EPHX3: variants seen among roughly 807,000 people sequenced by gnomAD.
EPHX3 encodes the protein epoxide hydrolase 3.
In EPHX3, 39 loss-of-function variants were observed where a neutral mutation model predicts 40.2. The ratio of observed to expected loss-of-function variants is 0.97; its 90% CI spans 0.75 to 1.27. The LOEUF is 1.27. Among genes scored for constraint, EPHX3 ranks in the 50% most tolerant of loss-of-function variants. EPHX3 has a pLI of 0.00. For missense variants in EPHX3, 442 were observed against 474.0 expected (o/e 0.93, Z 0.63); for synonymous variants, 213 against 209.7 (o/e 1.02, Z -0.14).
upstream of EPHX3, among the ~76,000 whole-genome samples, chr19:15,234,530 C>G (rs779854686): frequency 2.0e-5 from 3 of 152,122 alleles, no homozygotes; most frequent in Non-Finnish European, 2.9e-5. Flanking sequence ...GTCTCAAACT[C>G]CTGGCCTCAA....
chr19:15,227,745 A>C, intron 6 of EPHX3, 26 bp downstream of exon 6: 1 of 1,610,734 alleles, frequency 6.2e-7, no homozygotes. Flanking sequence ...AAATCTCCTG[A>C]GCTTATGCTT....
intron 4 of EPHX3, among the ~76,000 whole-genome samples, chr19:15,230,760 T>C (rs2145483515): frequency 6.6e-6 from 1 of 151,930 alleles, no homozygotes; most frequent in South Asian, 2.1e-4. Flanking sequence ...CCCGGAGGGC[T>C]GGGATTACAG....
rs2047162423 is a variant in EPHX3 at position 15,232,366 on chromosome 19, C to T, written c.-155G>A. 1.5e-6 allele frequency: 2 copies of T among 1,373,288 alleles called. No individual in the cohort carries two copies. The highest frequency in any genetic ancestry group is 1.7e-5 in the South Asian group (1 of 59,314). The allele number at this position is 1,373,288 out of a possible 1,614,324, so 85.1% of individuals were successfully genotyped here. ...ACGCGCTGAAGGAAGAGGCGGGCGG[C>T]TCCGACAGAAAACAGCCAGAGCGCA... On this transcript the variant is annotated 5_prime_UTR_variant, in exon 1 of 7. Transcript: ENST00000221730.
upstream of EPHX3, among the ~76,000 whole-genome samples, chr19:15,234,032 C>A (rs1490656346): frequency 1.3e-5 from 2 of 151,132 alleles, no homozygotes; most frequent in African/African-American, 2.4e-5. Context: ...TGCACTCCAG[C>A]CAGGGCGACA....
At chr19:15,233,119 G>A (rs1396014111), upstream of EPHX3, 1 of 149,290 alleles carries the variant, frequency 6.7e-6, no homozygotes, top group African/African-American at 2.5e-5. Flanking sequence ...GCGGGAGCCT[G>A]GGCCAATGAG....
Position 15,227,626 on chromosome 19 carries a change from G to A in EPHX3, c.894C>T (p.Pro298=). ...CCTTCTCCCCCCACAGCAGCAATGT[G>A]GGTGTGGTCAGCTCCTGGGGTTCCA... ...FPLEPQELTT[P]TLLLWGEKDT... The change falls in exon 7 of 7, where the codon CCC becomes CCT. Residue 298 remains proline, a synonymous_variant. Coordinates refer to ENST00000221730, the MANE Select transcript of EPHX3 (RefSeq NM_024794.3). 1 of 1,614,118 alleles carries A rather than the reference G, an allele frequency of 6.2e-7. No individual in the cohort carries two copies. The highest frequency in any genetic ancestry group is 8.5e-7 in the Non-Finnish European group (1 of 1,180,044).
chr19:15,234,382 G>C (rs1024217139), upstream of EPHX3, among the ~76,000 whole-genome samples: 2 of 151,842 alleles, frequency 1.3e-5, no homozygotes, highest in African/African-American at 4.8e-5. Context: ...ATGGAGTTTC[G>C]ATCATAGCTC....
At chr19:15,236,551 A>C (rs956768328), upstream of EPHX3, 3 of 152,680 alleles carry the variant, frequency 2.0e-5, no homozygotes, top group East Asian at 5.7e-4. Flanking sequence ...GGTGGAGGGG[A>C]AGAATACTGT....
chr19:15,228,035 A>G lies in EPHX3; in HGVS notation c.682T>C (p.Trp228Arg), dbSNP rs200296186. 6 of 1,418,838 alleles carry G rather than the reference A, an allele frequency of 4.2e-6. No homozygotes were observed. The highest frequency in any genetic ancestry group is 2.8e-6 in the Non-Finnish European group (3 of 1,055,734). 87.9% of individuals were successfully genotyped at this position (1,418,838 alleles called of 1,614,324 possible). Reference protein sequence around the residue: ...SHYMFLFQLPWLPEKLLSMSD... With the variant: ...SHYMFLFQLPRLPEKLLSMSD... ...ATAGACAGCAGCTTCTCGGGCAGCCAGGGCAGCTGGAACAGGAACATGTAG... is the reference window on the plus strand; with the variant it reads ...ATAGACAGCAGCTTCTCGGGCAGCCGGGGCAGCTGGAACAGGAACATGTAG... The change falls in exon 5 of 7, where the codon TGG (tryptophan) becomes CGG (arginine). Residue 228 changes from tryptophan (W) to arginine (R), a missense_variant. Trp to Arg is a moderately radical substitution (Grantham distance 101, BLOSUM62 -3). Transcript: ENST00000221730.
chr19:15,232,244 C>T lies in EPHX3; in HGVS notation c.-33G>A. Reference sequence around the variant, plus strand: ...CGCTCCGGGACCACGGCGGCGCTGCCGGCCAGGGGCACCTGCAGCAGCGGC... The same window carrying T: ...CGCTCCGGGACCACGGCGGCGCTGCTGGCCAGGGGCACCTGCAGCAGCGGC... On this transcript the variant is annotated 5_prime_UTR_variant, in exon 1 of 7. Coordinates refer to ENST00000221730, the MANE Select transcript of EPHX3 (RefSeq NM_024794.3). The T allele has an allele frequency of 6.9e-7, 1 of 1,453,012 alleles. No homozygotes were observed. Among genetic ancestry groups the T allele is most frequent in the Admixed American group, 2.8e-5 (1 of 36,140 alleles). The allele number at this position is 1,453,012 out of a possible 1,614,324, so 90.0% of individuals were successfully genotyped here.
At chr19:15,236,687 G>A (rs1051230862), upstream of EPHX3, 2 of 167,988 alleles carry the variant, frequency 1.2e-5, no homozygotes, top group Non-Finnish European at 2.6e-5. Flanking sequence ...CGTGGCTCCC[G>A]CCCAGGGCAG....
Position 15,227,619 on chromosome 19 carries a change from G to A in EPHX3, c.901C>T (p.Leu301=). 1 of 1,614,114 alleles carries A rather than the reference G, an allele frequency of 6.2e-7. No individual in the cohort carries two copies. Among genetic ancestry groups the A allele is most frequent in the Non-Finnish European group, 8.5e-7 (1 of 1,180,032 alleles). The change falls in exon 7 of 7, where the codon CTG becomes TTG. Residue 301 remains leucine, a synonymous_variant. Transcript: ENST00000221730. ...EPQELTTPTL[L]LWGEKDTYLE... is the part of the protein sequence containing the mutation. ...TAAGTGTCCTTCTCCCCCCACAGCA[G>A]CAATGTGGGTGTGGTCAGCTCCTGG...
At chr19:15,230,018 T>A (rs2047142942) in intron 4 of EPHX3, among the ~76,000 whole-genome samples, 1 of 150,172 alleles carries the variant, frequency 6.7e-6, no homozygotes, top group Admixed American at 6.6e-5. Context: ...ATTGTTAACC[T>A]CCCCAGCCTC....
At position 15,232,138 on chromosome 19, in the gene EPHX3, C is replaced by T. The variant is rs2145486095; in HGVS notation, c.74G>A (p.Trp25Ter). Reference sequence around the variant, plus strand: ...CAGCGCCACCGAGAACACCAGGCTCCACATGAAGGCGCGCAGCAGCTTCAG... The same window carrying T: ...CAGCGCCACCGAGAACACCAGGCTCTACATGAAGGCGCGCAGCAGCTTCAG... ...LSLKLLRAFM[W>*]SLVFSVALVA... Residue 25 changes from tryptophan to a stop codon, truncating the protein, a stop_gained, in exon 1 of 7, where the codon TGG (tryptophan) becomes TAG (stop). Transcript: ENST00000221730. LOFTEE classifies it high-confidence loss of function. 6 of 1,537,080 alleles carry T rather than the reference C, an allele frequency of 3.9e-6. No homozygotes were observed. In the South Asian group the frequency reaches 4.8e-5, roughly 12 times the overall value.
Position 15,227,501 on chromosome 19 carries a change from G to C in EPHX3, c.1019C>G (p.Pro340Arg). Residue 340 changes from proline (P) to arginine (R), a missense_variant, in exon 7 of 7, where the codon CCA becomes CGA. By Grantham distance (103) the Pro-to-Arg change is moderately radical. Transcript: ENST00000221730. ...HILPGIGHWI[P>R]QSNPQEMHQY... The stretch of plus-strand genomic sequence containing the variant: ...GTGCATCTCCTGGGGGTTGCTCTGT[G>C]GGATCCAATGCCCTATGCCTGGCAG... 1 of 1,614,166 alleles carries C rather than the reference G, an allele frequency of 6.2e-7. No homozygotes were observed. The highest frequency in any genetic ancestry group is 1.3e-5 in the African/African-American group (1 of 75,046).
upstream of EPHX3, among the ~76,000 whole-genome samples, chr19:15,232,603 G>T (rs1219415212): frequency 1.3e-5 from 2 of 151,838 alleles, no homozygotes. Context: ...CGGGCCGGGT[G>T]CGGTGGCTCA....
chr19:15,233,474 A>AAC (rs1462760772), upstream of EPHX3: 1 of 151,874 alleles, frequency 6.6e-6, no homozygotes, highest in Admixed American at 6.6e-5. Context: ...CTGCTGGCCC[A>AAC]ACAGGCCCGC....
intron 3 of EPHX3, 48 bp from the exon 4 acceptor site, chr19:15,231,138 G>A: frequency 6.2e-7 from 1 of 1,613,112 alleles, no homozygotes; most frequent in Non-Finnish European, 8.5e-7. Flanking sequence ...CAGTAGGACT[G>A]AAGCAGGGAT....
intron 1 of EPHX3, 23 bp from the exon 2 acceptor site, chr19:15,231,884 A>C: frequency 6.2e-7 from 1 of 1,613,436 alleles, no homozygotes; most frequent in Non-Finnish European, 8.5e-7. Flanking sequence ...CACAGCCTGA[A>C]GCCTGGGGAA....
Sources: allele counts gnomAD v4.1 joint callset (sites outside exome capture counted in the v4.1 genomes callset), GRCh38; gene constraint gnomAD v4.1.1; transcripts MANE v1.5; gene names NCBI Gene and HGNC (gene_info 2026-07-23, HGNC 2026-07-21).